Variants in RYK observed in about 807,000 individuals in gnomAD.
RYK encodes inactive tyrosine-protein kinase RYK.
RYK carries 21 observed loss-of-function variants against 70.2 expected under a neutral mutation model. That is an observed-to-expected ratio of 0.30 (90% CI 0.21 to 0.43). The LOEUF (loss-of-function observed/expected upper bound fraction) is 0.43. Among genes scored for constraint, RYK ranks in the 20% least tolerant of loss-of-function variants. RYK has a pLI of 1.00. For missense variants in RYK, 604 were observed against 753.3 expected (o/e 0.80, Z 2.32); for synonymous variants, 267 against 278.0 (o/e 0.96, Z 0.39).
At chr3:134,236,092 G>A (rs2015195218) in intron 1 of RYK, among the ~76,000 whole-genome samples, 1 of 152,100 alleles carries the variant, frequency 6.6e-6, no homozygotes, top group Non-Finnish European at 1.5e-5. Flanking sequence ...ATCCCTTTGG[G>A]ATAAAGGGAG....
At chr3:134,190,419 A>T (rs1482547360) in intron 8 of RYK, among the ~76,000 whole-genome samples, 1 of 152,206 alleles carries the variant, frequency 6.6e-6, no homozygotes, top group East Asian at 1.9e-4. Flanking sequence ...AGGAACATAC[A>T]CAAAAATATA....
chr3:134,236,349 T>C (rs2015200478), intron 1 of RYK, among the ~76,000 whole-genome samples: 2 of 152,104 alleles, frequency 1.3e-5, no homozygotes, highest in Admixed American at 1.3e-4. Context: ...AACAATTCCA[T>C]TTACAATAGC....
intron 1 of RYK, among the ~76,000 whole-genome samples, chr3:134,232,179 C>G (rs561938079): frequency 6.6e-6 from 1 of 152,318 alleles, no homozygotes; most frequent in South Asian, 2.1e-4. Context: ...CTTGTTTCTC[C>G]CATTCTATTG....
intron 2 of RYK, among the ~76,000 whole-genome samples, chr3:134,217,642 G>C (rs893281784): frequency 4.6e-5 from 7 of 152,156 alleles, no homozygotes; most frequent in Non-Finnish European, 7.3e-5. Context: ...GTTAGCTGTT[G>C]AAAGATGTAT....
At chr3:134,230,760 T>C (rs903794425) in intron 1 of RYK, among the ~76,000 whole-genome samples, 1 of 152,272 alleles carries the variant, frequency 6.6e-6, no homozygotes, top group South Asian at 2.1e-4. Context: ...GGTGGTTACA[T>C]AGGTGTATGC....
chr3:134,212,203 G>A lies in RYK; in HGVS notation c.355-596C>T, dbSNP rs115487593. On this transcript the variant is annotated intron_variant, in intron 2 of 14. Coordinates refer to ENST00000623711, the MANE Select transcript of RYK (RefSeq NM_002958.4). Reference sequence around the variant, plus strand: ...TCTTAAGTGATTCAGAATCCAGAAGGGAAGACAGGCAACCCATGAGATGTC... The same window carrying A: ...TCTTAAGTGATTCAGAATCCAGAAGAGAAGACAGGCAACCCATGAGATGTC... Among the ~76,000 whole-genome samples the A allele has an allele frequency of 6.5e-3, 997 of 152,262 alleles. 6 individuals carry two copies. Among genetic ancestry groups the A allele is most frequent in the Non-Finnish European group, 8.7e-3 (595 of 68,020 alleles).
intron 6 of RYK, among the ~76,000 whole-genome samples, chr3:134,200,505 C>T (rs1396157840): frequency 6.6e-6 from 1 of 152,238 alleles, no homozygotes; most frequent in African/African-American, 2.4e-5. Flanking sequence ...TCCGCGGCTT[C>T]ATTCTTGAAG....
At chr3:134,213,674 C>T (rs1407898970) in intron 2 of RYK, among the ~76,000 whole-genome samples, 1 of 152,204 alleles carries the variant, frequency 6.6e-6, no homozygotes, top group East Asian at 1.9e-4. Context: ...TGTTCCCCTT[C>T]CTATCATTCA....
At chr3:134,182,038 C>T (rs2013311893) in intron 10 of RYK, among the ~76,000 whole-genome samples, 1 of 151,876 alleles carries the variant, frequency 6.6e-6, no homozygotes, top group African/African-American at 2.4e-5. Context: ...GCCTATAGTC[C>T]CAGCTACTCA....
At chr3:134,190,604 T>C (rs1251480189) in intron 8 of RYK, among the ~76,000 whole-genome samples, 1 of 152,080 alleles carries the variant, frequency 6.6e-6, no homozygotes, top group Non-Finnish European at 1.5e-5. Context: ...ATTTATCAGA[T>C]TTCCAGTGAA....
intron 2 of RYK, among the ~76,000 whole-genome samples, chr3:134,213,635 C>T (rs1173781971): frequency 2.0e-5 from 3 of 152,164 alleles, no homozygotes; most frequent in Non-Finnish European, 4.4e-5. Flanking sequence ...CCACCTTCTC[C>T]CACAACCTGG....
intron 2 of RYK, among the ~76,000 whole-genome samples, chr3:134,211,898 G>A (rs924463059): frequency 1.3e-5 from 2 of 152,204 alleles, no homozygotes; most frequent in African/African-American, 4.8e-5. Context: ...AGCACTGACA[G>A]AGAGGCCATG....
At chr3:134,217,036 A>G (rs1372700519) in intron 2 of RYK, among the ~76,000 whole-genome samples, 1 of 152,182 alleles carries the variant, frequency 6.6e-6, no homozygotes, top group East Asian at 1.9e-4. Flanking sequence ...TGTGTGACCT[A>G]TGCGCTAAGA....
intron 7 of RYK, among the ~76,000 whole-genome samples, chr3:134,194,562 A>T (rs2013753267): frequency 6.6e-6 from 1 of 152,198 alleles, no homozygotes. Flanking sequence ...TGGGTAGAGG[A>T]CAGATATCTT....
At chr3:134,176,144 T>C in intron 11 of RYK, 105 bp from the exon 12 acceptor site, 1 of 704,570 alleles carries the variant, frequency 1.4e-6, no homozygotes, top group Non-Finnish European at 2.5e-6. Context: ...AATACTGCTT[T>C]AAACCTACAC....
At chr3:134,165,504 T>A (rs2012633544) in intron 13 of RYK, among the ~76,000 whole-genome samples, 1 of 152,230 alleles carries the variant, frequency 6.6e-6, no homozygotes, top group South Asian at 2.1e-4. Context: ...AGACGCCCTT[T>A]ACCAGGCCTA....
intron 13 of RYK, among the ~76,000 whole-genome samples, chr3:134,174,155 C>G (rs965703212): frequency 2.0e-5 from 3 of 152,124 alleles, no homozygotes; most frequent in African/African-American, 7.2e-5. Flanking sequence ...CAAAGAATGC[C>G]AACAGCCACC....
At chr3:134,244,720 C>T (rs2015410532) in intron 1 of RYK, among the ~76,000 whole-genome samples, 2 of 152,130 alleles carry the variant, frequency 1.3e-5, no homozygotes, top group Non-Finnish European at 2.9e-5. Context: ...TACCAAAAAA[C>T]CAGGCTAGTC....
At chr3:134,159,618 T>C (rs1047154529) in intron 13 of RYK, among the ~76,000 whole-genome samples, 2 of 152,378 alleles carry the variant, frequency 1.3e-5, no homozygotes, top group South Asian at 2.1e-4. Flanking sequence ...TAGTTTACTG[T>C]TGATTACAAG....
Sources: allele counts gnomAD v4.1 joint callset (sites outside exome capture counted in the v4.1 genomes callset), GRCh38; gene constraint gnomAD v4.1.1; transcripts MANE v1.5; gene names NCBI Gene and HGNC (gene_info 2026-07-23, HGNC 2026-07-21).